MORN1: variants seen among roughly 807,000 people sequenced by gnomAD.
The protein encoded by MORN1 is MORN repeat-containing protein 1.
In MORN1, 67 loss-of-function variants were observed where a neutral mutation model predicts 61.9. The ratio of observed to expected loss-of-function variants is 1.08; its 90% CI spans 0.89 to 1.33. MORN1 has a LOEUF of 1.33. Ranked by LOEUF, MORN1 falls within the 40% of genes most tolerant of loss-of-function variation. MORN1 has a pLI of 0.00. For synonymous variants in MORN1, 301 were observed against 292.0 expected (o/e 1.03, Z -0.31); for missense variants, 752 against 691.2 (o/e 1.09, Z -0.99).
At position 2,345,797 on chromosome 1, in the gene MORN1, G is replaced by T. The variant is rs933283577; in HGVS notation, c.1037-8947C>A. Among the ~76,000 whole-genome samples, 11 of 151,478 alleles carry T rather than the reference G, an allele frequency of 7.3e-5. 1 individual carries two copies. The East Asian group carries it at 1.8e-3, about 24-fold the overall frequency. On this transcript the variant is annotated intron_variant, in intron 10 of 13. Transcript: ENST00000378531. Reference sequence around the variant, plus strand: ...TGTTCACAGGCCCTGCCAGGGGAAAGCAAGAGCACACACACAGCCACATGT... The same window carrying T: ...TGTTCACAGGCCCTGCCAGGGGAAATCAAGAGCACACACACAGCCACATGT...
intron 12 of MORN1, among the ~76,000 whole-genome samples, chr1:2,333,342 C>T (rs1641199337): frequency 6.6e-6 from 1 of 152,236 alleles, no homozygotes; most frequent in African/African-American, 2.4e-5. Flanking sequence ...GGCCCAGCTC[C>T]CGAAGCCTCC....
At chr1:2,325,796 A>AT (rs1416872733) in intron 12 of MORN1, among the ~76,000 whole-genome samples, 3 of 150,194 alleles carry the variant, frequency 2.0e-5, no homozygotes, top group Non-Finnish European at 4.4e-5. Context: ...TACTTTTTAA[A>AT]TTTTTTTGTG....
At chr1:2,379,800 A>G (rs562446704) in intron 6 of MORN1, among the ~76,000 whole-genome samples, 1 of 152,354 alleles carries the variant, frequency 6.6e-6, no homozygotes, top group South Asian at 2.1e-4. Context: ...GCAGGAAGGT[A>G]AAAGGGTGAG....
chr1:2,370,965 G>A (rs529564509), intron 8 of MORN1, among the ~76,000 whole-genome samples: 84 of 152,058 alleles, frequency 5.5e-4, no homozygotes, highest in African/African-American at 1.9e-3. Context: ...CAGCACTTTG[G>A]GAGGCCAAGG....
intron 10 of MORN1, among the ~76,000 whole-genome samples, chr1:2,353,335 C>G (rs548509378): frequency 6.6e-6 from 1 of 152,376 alleles, no homozygotes; most frequent in South Asian, 2.1e-4. Flanking sequence ...GCCGGCCCCC[C>G]TGTCCCTGCT....
chr1:2,322,272 C>T, intron 13 of MORN1: 1 of 985,484 alleles, frequency 1.0e-6, no homozygotes, highest in Non-Finnish European at 1.2e-6. Context: ...CCTCTCCCCT[C>T]CCCTGAGCCT....
chr1:2,388,555 A>T (rs1642560742), intron 2 of MORN1: 1 of 512,166 alleles, frequency 2.0e-6, no homozygotes, highest in South Asian at 2.3e-5. Context: ...AGCCAGAACA[A>T]GCACAGGAAT....
intron 12 of MORN1, among the ~76,000 whole-genome samples, chr1:2,330,737 G>A (rs1302907116): frequency 6.6e-6 from 1 of 152,192 alleles, no homozygotes; most frequent in Non-Finnish European, 1.5e-5. Context: ...GCGCACACCC[G>A]TGCCTGTGGT....
At chr1:2,343,113 G>A (rs1641438428) in intron 10 of MORN1, among the ~76,000 whole-genome samples, 1 of 152,186 alleles carries the variant, frequency 6.6e-6, no homozygotes, top group East Asian at 1.9e-4. Flanking sequence ...CTTCCTGAAC[G>A]TTCAGAAAAT....
At chr1:2,353,386 C>A (rs1641692328) in intron 10 of MORN1, among the ~76,000 whole-genome samples, 1 of 152,348 alleles carries the variant, frequency 6.6e-6, no homozygotes, top group South Asian at 2.1e-4. Context: ...GGCCTCCGTG[C>A]AGCTGGGCCT....
chr1:2,365,786 C>G (rs946956587), intron 8 of MORN1, among the ~76,000 whole-genome samples: 3 of 152,214 alleles, frequency 2.0e-5, no homozygotes, highest in Admixed American at 6.5e-5. Flanking sequence ...GATACCATCT[C>G]AAACCAGTTA....
intron 8 of MORN1, among the ~76,000 whole-genome samples, chr1:2,368,370 T>C (rs967061895): frequency 1.3e-5 from 2 of 152,264 alleles, no homozygotes; most frequent in African/African-American, 2.4e-5. Context: ...GTCATATTTA[T>C]ACCCACTTTT....
chr1:2,369,779 C>T (rs1448241847), intron 8 of MORN1, among the ~76,000 whole-genome samples: 1 of 152,110 alleles, frequency 6.6e-6, no homozygotes, highest in Non-Finnish European at 1.5e-5. Flanking sequence ...ATAGCTTTCA[C>T]AAAGAAGTGC....
rs1430793678 is a variant in MORN1 at position 2,334,562 on chromosome 1, C to T, written c.1250+1907G>A. On this transcript the variant is annotated intron_variant, in intron 12 of 13. Coordinates refer to ENST00000378531, the MANE Select transcript of MORN1 (RefSeq NM_024848.3). The surrounding 1 kb of genome is among the most constrained non-coding windows in gnomAD (Gnocchi z 5.4). ...GCAGGCCTGGTTTTGGGCTGCCTGTCCCAACACGACGAGAGGGCCCTGGCT... is the reference window on the plus strand; with the variant it reads ...GCAGGCCTGGTTTTGGGCTGCCTGTTCCAACACGACGAGAGGGCCCTGGCT... Among the ~76,000 whole-genome samples the T allele has an allele frequency of 6.6e-6, 1 of 152,030 alleles. No homozygotes were observed. The highest frequency in any genetic ancestry group is 1.5e-5 in the Non-Finnish European group (1 of 68,000).
chr1:2,322,094 G>C, intron 13 of MORN1: 1 of 985,420 alleles, frequency 1.0e-6, no homozygotes, highest in Non-Finnish European at 1.2e-6. Context: ...ACCCGCGCTG[G>C]GGCTCTCCGG....
intron 12 of MORN1, among the ~76,000 whole-genome samples, chr1:2,331,902 C>G (rs1264519116): frequency 7.6e-6 from 1 of 130,802 alleles, no homozygotes; most frequent in African/African-American, 3.0e-5. Context: ...GCCTCTCCCT[C>G]GTGCGCCTCT....
rs542779430 is a variant in MORN1 at position 2,358,703 on chromosome 1, C to T, written c.758G>A (p.Arg253Gln). The T allele has an allele frequency of 2.4e-5, 38 of 1,610,898 alleles. No individual in the cohort carries two copies. The highest frequency in any genetic ancestry group is 1.6e-4 in the Middle Eastern group (1 of 6,080). ...GACGCCCGCTGAGATCTGCAGGACC[C>T]GGCCGCTCTCGCCTTCCAGGAGAGA... ...HGEIAKSESGRVLQISAGVRY... is the reference protein window; with the variant it reads ...HGEIAKSESGQVLQISAGVRY... Residue 253 changes from arginine (R) to glutamine (Q), a missense_variant, in exon 9 of 14, where the codon CGG (arginine) becomes CAG (glutamine). Transcript: ENST00000378531.
chr1:2,325,915 G>A lies in MORN1; in HGVS notation c.1251-1772C>T, dbSNP rs149175137. Among the ~76,000 whole-genome samples, 34 of 152,254 alleles carry A rather than the reference G, an allele frequency of 2.2e-4. No individual in the cohort carries two copies. The East Asian group carries it at 3.3e-3, about 15-fold the overall frequency. On this transcript the variant is annotated intron_variant, in intron 12 of 13. Coordinates refer to ENST00000378531, the MANE Select transcript of MORN1 (RefSeq NM_024848.3). ...GTTGGGATTACTGGCATGAGCCACC[G>A]TGCCCAGCTGAGATGTTCTTTCTGT...
intron 12 of MORN1, among the ~76,000 whole-genome samples, chr1:2,335,456 G>A (rs890445174): frequency 1.3e-5 from 2 of 152,194 alleles, no homozygotes; most frequent in African/African-American, 4.8e-5. Context: ...CGCTGGGGAT[G>A]CCTGGAGCCC....
Sources: allele counts gnomAD v4.1 joint callset (sites outside exome capture counted in the v4.1 genomes callset), GRCh38; gene constraint gnomAD v4.1.1; non-coding constraint Gnocchi (gnomAD v3.1); transcripts MANE v1.5; gene names NCBI Gene and HGNC (gene_info 2026-07-23, HGNC 2026-07-21).